The following TOX2 variants were observed in gnomAD, a reference collection of about 807,000 sequenced individuals.
The protein encoded by TOX2 is TOX high mobility group box family member 2.
TOX2 carries 15 observed loss-of-function variants against 47.4 expected under a neutral mutation model. The ratio of observed to expected loss-of-function variants is 0.32; its 90% CI spans 0.21 to 0.49. TOX2 has a LOEUF of 0.49. TOX2 is among the 20% of genes least tolerant of loss of function. The probability of loss-of-function intolerance (pLI) is 0.99; values close to 1 mark genes in which losing one functional copy is unlikely to be tolerated. For synonymous variants in TOX2, 290 were observed against 296.6 expected, an observed-to-expected ratio of 0.98 and a Z score of 0.23; for missense variants, 622 against 673.1, an observed-to-expected ratio of 0.92 and a Z score of 0.84.
At chr20:43,986,067 A>G (rs1203368527) in intron 2 of TOX2, among the ~76,000 whole-genome samples, 1 of 152,184 alleles carries the variant, frequency 6.6e-6, no homozygotes, top group Non-Finnish European at 1.5e-5. Flanking sequence ...AAAAGTTAGC[A>G]CAGTGTGACC....
Position 44,021,494 on chromosome 20 carries a change from C to A in TOX2, c.411+14702C>A, listed in dbSNP as rs578175426. ...CAGACCTGAGGCCCCTGTCCCTGTG[C>A]ACACAAGACCCCCAACCACTCCCTT... On this transcript the variant is annotated intron_variant, in intron 3 of 8. Coordinates refer to ENST00000341197, the MANE Select transcript of TOX2 (RefSeq NM_001098797.2). Among the ~76,000 whole-genome samples the A allele has an allele frequency of 1.9e-4, 29 of 152,342 alleles. No individual in the cohort carries two copies. In the East Asian group the frequency reaches 5.2e-3, roughly 27 times the overall value.
At position 43,936,823 on chromosome 20, in the gene TOX2, A is replaced by G. The variant is rs557349042; in HGVS notation, c.99+21833A>G. On this transcript the variant is annotated intron_variant, in intron 1 of 8. Coordinates refer to ENST00000341197, the MANE Select transcript of TOX2 (RefSeq NM_001098797.2). The stretch of plus-strand genomic sequence containing the variant: ...TCAAAGCATAAAGAGAGAGATGATG[A>G]GAGGAGTGGCAGCCTCACGGTGCCA... Among the ~76,000 whole-genome samples the G allele has an allele frequency of 3.9e-4, 60 of 152,330 alleles. 1 individual carries two copies. The South Asian group carries it at 0.012, about 31-fold the overall frequency.
intron 1 of TOX2, among the ~76,000 whole-genome samples, chr20:43,961,342 T>C (rs1354951893): frequency 1.3e-5 from 2 of 151,894 alleles, no homozygotes; most frequent in Non-Finnish European, 2.9e-5. Context: ...GGGCGCGTGA[T>C]GGGTGGGAGG....
At chr20:44,060,539 G>C (rs2071698872) in intron 5 of TOX2, among the ~76,000 whole-genome samples, 1 of 151,932 alleles carries the variant, frequency 6.6e-6, no homozygotes, top group Non-Finnish European at 1.5e-5. Context: ...GAAAATAATA[G>C]AAATTATATC....
intron 1 of TOX2, among the ~76,000 whole-genome samples, chr20:43,965,677 A>G (rs1320159058): frequency 6.6e-6 from 1 of 152,242 alleles, no homozygotes; most frequent in Non-Finnish European, 1.5e-5. Flanking sequence ...TGTGCCTGGT[A>G]CACGATACAA....
chr20:44,026,318 C>A (rs1436482221), intron 3 of TOX2, among the ~76,000 whole-genome samples: 1 of 143,852 alleles, frequency 7.0e-6, no homozygotes, highest in African/African-American at 2.6e-5. Context: ...TTTGCAGCAA[C>A]CTGGGTGTGA....
chr20:44,016,006 C>T (rs2070872087), intron 3 of TOX2, among the ~76,000 whole-genome samples: 1 of 151,956 alleles, frequency 6.6e-6, no homozygotes, highest in Non-Finnish European at 1.5e-5. Flanking sequence ...CATGGTTTTC[C>T]CTACAAGAAA....
Position 43,916,807 on chromosome 20 carries a change from T to C in TOX2, c.99+1817T>C, listed in dbSNP as rs1353278646. The stretch of plus-strand genomic sequence containing the variant: ...GGGGTTTAGCCTGGAGCGCTCCGTT[T>C]GAGGGTGGTGTTTCTATAAATCTCG... On this transcript the variant is annotated intron_variant, in intron 1 of 8. Transcript: ENST00000341197. This position sits in a 1 kb window ranked among gnomAD's most constrained non-coding sequence, Gnocchi z 5.0. 6.6e-6 allele frequency among the ~76,000 whole-genome samples: 1 copy of C among 152,100 alleles called. No individual in the cohort carries two copies. Among genetic ancestry groups the C allele is most frequent in the African/African-American group, 2.4e-5 (1 of 41,412 alleles).
At chr20:43,954,644 G>A (rs1274260937) in intron 1 of TOX2, among the ~76,000 whole-genome samples, 1 of 152,230 alleles carries the variant, frequency 6.6e-6, no homozygotes, top group Non-Finnish European at 1.5e-5. Context: ...GCAGGGGCCA[G>A]CTGAGGAGGA....
At chr20:43,942,689 A>G (rs893592595) in intron 1 of TOX2, among the ~76,000 whole-genome samples, 1 of 151,554 alleles carries the variant, frequency 6.6e-6, no homozygotes, top group Non-Finnish European at 1.5e-5. Flanking sequence ...CTGTCTCAAT[A>G]AATAAATAAA....
rs111782888 is a variant in TOX2 at position 44,038,125 on chromosome 20, G to A, written c.412-13181G>A. Among the ~76,000 whole-genome samples, 642 of 152,282 alleles carry A rather than the reference G, an allele frequency of 4.2e-3. 3 individuals are homozygous for A. The highest frequency in any genetic ancestry group is 0.015 in the African/African-American group (603 of 41,536). On this transcript the variant is annotated intron_variant, in intron 3 of 8. Coordinates refer to ENST00000341197, the MANE Select transcript of TOX2 (RefSeq NM_001098797.2). ...AAATTAACGAGAAGTGCTGGGTGCC[G>A]TGGCTCACACCTATAATCCCAGCAC...
Position 44,068,893 on chromosome 20 carries a change from C to T in TOX2, c.*207C>T, listed in dbSNP as rs2071886237. 1 of 736,740 alleles carries T rather than the reference C, an allele frequency of 1.4e-6. No individual in the cohort carries two copies. Among genetic ancestry groups the T allele is most frequent in the Non-Finnish European group, 2.4e-6 (1 of 408,336 alleles). 45.6% of individuals were successfully genotyped at this position (736,740 alleles called of 1,614,324 possible). A position where few individuals can be genotyped will look rare whatever the true frequency, so the allele number is the denominator to read the frequency against. On this transcript the variant is annotated 3_prime_UTR_variant, in exon 9 of 9. Transcript: ENST00000341197. ...CACTGCCCACCACCAGCCCAAAGAA[C>T]CTGCAGGAACCTTCCGCCCGCTGAC...
intron 1 of TOX2, among the ~76,000 whole-genome samples, chr20:43,938,715 C>T (rs906107834): frequency 1.3e-5 from 2 of 152,170 alleles, no homozygotes; most frequent in African/African-American, 2.4e-5. Context: ...TCTTCATGCC[C>T]CAGGACTTAT....
intron 1 of TOX2, chr20:43,945,692 C>T (rs2069457238): frequency 9.3e-6 from 5 of 539,580 alleles, no homozygotes; most frequent in South Asian, 2.0e-5. Context: ...CGAGACCTGG[C>T]GTGGAGACCG....
chr20:43,970,461 C>T (rs2069945133), intron 1 of TOX2, among the ~76,000 whole-genome samples: 1 of 152,180 alleles, frequency 6.6e-6, no homozygotes, highest in Non-Finnish European at 1.5e-5. Context: ...AAATGGTGAC[C>T]ATTCAAAGGT....
At chr20:43,937,302 G>A (rs1169365245) in intron 1 of TOX2, among the ~76,000 whole-genome samples, 1 of 152,148 alleles carries the variant, frequency 6.6e-6, no homozygotes, top group Non-Finnish European at 1.5e-5. Flanking sequence ...CTTCTGGTTC[G>A]CAAAGGTCCC....
At chr20:43,917,642 C>A (rs6017216) in intron 1 of TOX2, among the ~76,000 whole-genome samples, 2 of 152,156 alleles carry the variant, frequency 1.3e-5, no homozygotes, top group African/African-American at 4.8e-5. Flanking sequence ...CGACTGTCCC[C>A]TTAGCGATCC....
At chr20:44,050,674 A>G (rs989383416) in intron 3 of TOX2, among the ~76,000 whole-genome samples, 8 of 152,242 alleles carry the variant, frequency 5.3e-5, no homozygotes, top group Admixed American at 5.2e-4. Context: ...CTGTAGGAAG[A>G]AAAGTACTCA....
At chr20:44,016,894 T>C (rs2070889023) in intron 3 of TOX2, among the ~76,000 whole-genome samples, 3 of 152,176 alleles carry the variant, frequency 2.0e-5, no homozygotes, top group Admixed American at 2.0e-4. Context: ...AAGATAAAAA[T>C]AGTGTTTTAA....
Sources: allele counts gnomAD v4.1 joint callset (sites outside exome capture counted in the v4.1 genomes callset), GRCh38; gene constraint gnomAD v4.1.1; non-coding constraint Gnocchi (gnomAD v3.1); transcripts MANE v1.5; gene names NCBI Gene and HGNC (gene_info 2026-07-23, HGNC 2026-07-21).